CABLES1: variants seen among roughly 807,000 people sequenced by gnomAD.
The protein encoded by CABLES1 is Cdk5 and Abl enzyme substrate 1.
In CABLES1, 36 loss-of-function variants were observed where a neutral mutation model predicts 57.8. The observed-to-expected ratio is 0.62, with a 90% CI of 0.48 to 0.82. CABLES1 has a LOEUF of 0.82. Among genes scored for constraint, CABLES1 ranks in the 40% least tolerant of loss-of-function variants. The pLI is 0.00. For synonymous variants in CABLES1, 374 were observed against 363.0 expected (o/e 1.03, Z -0.35); for missense variants, 767 against 836.6 (o/e 0.92, Z 1.03).
At chr18:23,198,416 G>C (rs937877747) in intron 3 of CABLES1, among the ~76,000 whole-genome samples, 1 of 152,198 alleles carries the variant, frequency 6.6e-6, no homozygotes, top group Non-Finnish European at 1.5e-5. Flanking sequence ...AATAATCCTT[G>C]AAACAGCCTG....
intron 4 of CABLES1, among the ~76,000 whole-genome samples, chr18:23,230,129 T>C (rs2047556536): frequency 6.6e-6 from 1 of 152,198 alleles, no homozygotes; most frequent in Non-Finnish European, 1.5e-5. Context: ...ATCCCAGCAC[T>C]TTGGGAGGCC....
chr18:23,148,972 C>T (rs2046910527), intron 1 of CABLES1, among the ~76,000 whole-genome samples: 1 of 152,094 alleles, frequency 6.6e-6, no homozygotes, highest in Admixed American at 6.6e-5. Context: ...TTACTGCAAC[C>T]TCTGCCTCCC....
intron 7 of CABLES1, among the ~76,000 whole-genome samples, chr18:23,242,563 G>T (rs2047763149): frequency 6.6e-6 from 1 of 152,124 alleles, no homozygotes; most frequent in East Asian, 1.9e-4. Flanking sequence ...CCTCTTTATG[G>T]GTGTGGAAGG....
chr18:23,167,757 G>T (rs2144985246), intron 1 of CABLES1, among the ~76,000 whole-genome samples: 1 of 150,982 alleles, frequency 6.6e-6, no homozygotes, highest in African/African-American at 2.4e-5. Flanking sequence ...GGAGGGGTGG[G>T]TGGGAAGCGG....
chr18:23,238,829 G>A (rs983340402), intron 7 of CABLES1, among the ~76,000 whole-genome samples: 5 of 152,192 alleles, frequency 3.3e-5, no homozygotes, highest in African/African-American at 7.2e-5. Context: ...CTGTTTTCAC[G>A]TTGCCCAGCT....
chr18:23,204,878 T>G (rs2047351487), intron 3 of CABLES1, among the ~76,000 whole-genome samples: 1 of 152,248 alleles, frequency 6.6e-6, no homozygotes, highest in Non-Finnish European at 1.5e-5. Flanking sequence ...CATGATTCAG[T>G]TATCTCCCAT....
chr18:23,217,156 G>A (rs567921179), intron 4 of CABLES1, among the ~76,000 whole-genome samples: 9 of 152,088 alleles, frequency 5.9e-5, no homozygotes, highest in African/African-American at 2.2e-4. Context: ...AACATGGCTC[G>A]CTGCAGTCTC....
At position 23,155,672 on chromosome 18, in the gene CABLES1, TTCTG is replaced by T. The variant is rs1197204502; in HGVS notation, c.845+19070_845+19073del. Among the ~76,000 whole-genome samples the T allele has an allele frequency of 2.6e-5, 4 of 152,290 alleles. No individual in the cohort carries two copies. The East Asian group carries it at 7.7e-4, about 29-fold the overall frequency. The stretch of plus-strand genomic sequence containing the variant: ...ACCTCAGGGAGAAACACAAGGGTAT[TTCTG>T]TCTGGGGCGGCAGGACCTCATGTGG... On this transcript the variant is annotated intron_variant, in intron 1 of 9. Coordinates refer to ENST00000256925, the MANE Select transcript of CABLES1 (RefSeq NM_001100619.3).
chr18:23,174,821 C>A (rs867935110), intron 1 of CABLES1, among the ~76,000 whole-genome samples: 1 of 94,566 alleles, frequency 1.1e-5, no homozygotes, highest in Non-Finnish European at 2.0e-5. Context: ...CATGTTACAC[C>A]ATATATATAT....
Position 23,135,687 on chromosome 18 carries a change from C to T in CABLES1, c.-76C>T. 1.0e-6 allele frequency: 1 copy of T among 982,292 alleles called. No homozygotes were observed. The highest frequency in any genetic ancestry group is 1.2e-6 in the Non-Finnish European group (1 of 828,906). 60.8% of individuals were successfully genotyped at this position (982,292 alleles called of 1,614,324 possible). A position where few individuals can be genotyped will look rare whatever the true frequency, so the allele number is the denominator to read the frequency against. On this transcript the variant is annotated 5_prime_UTR_variant, in exon 1 of 10. Transcript: ENST00000256925. ...CCCTACCCAGCCCGGGTCGCCGCCG[C>T]TCGCGCCCGCCGCTTAGCGCTCGGG...
chr18:23,140,138 T>C (rs1364341465), intron 1 of CABLES1, among the ~76,000 whole-genome samples: 1 of 152,206 alleles, frequency 6.6e-6, no homozygotes, highest in Non-Finnish European at 1.5e-5. Flanking sequence ...ACCAAGAAGA[T>C]GCCTCTTAGC....
At chr18:23,205,351 G>A (rs535193606) in intron 3 of CABLES1, among the ~76,000 whole-genome samples, 3 of 151,970 alleles carry the variant, frequency 2.0e-5, no homozygotes, top group South Asian at 4.2e-4. Flanking sequence ...CTGCCACCAC[G>A]CCCAGCTAAT....
At chr18:23,234,089 G>A (rs1438454718) in intron 4 of CABLES1, among the ~76,000 whole-genome samples, 5 of 152,052 alleles carry the variant, frequency 3.3e-5, no homozygotes, top group East Asian at 3.9e-4. Flanking sequence ...GTGGTGGTGC[G>A]CGCCTGTAAT....
chr18:23,218,011 A>T (rs895308478), intron 4 of CABLES1, among the ~76,000 whole-genome samples: 1 of 152,220 alleles, frequency 6.6e-6, no homozygotes. Context: ...ACTCATGCAC[A>T]TGGACCCAGC....
intron 4 of CABLES1, chr18:23,214,368 TG>T (rs1291061473): frequency 9.1e-6 from 2 of 220,484 alleles, no homozygotes; most frequent in African/African-American, 4.6e-5. Flanking sequence ...TGCCAACCTT[TG>T]GAAAAAAGGT....
chr18:23,161,404 A>G (rs764057813), intron 1 of CABLES1, among the ~76,000 whole-genome samples: 9 of 151,438 alleles, frequency 5.9e-5, no homozygotes, highest in Non-Finnish European at 8.8e-5. Context: ...GTAGTGAATC[A>G]AGTCATCTGT....
At chr18:23,149,762 G>T (rs1036423414) in intron 1 of CABLES1, 1 of 152,224 alleles carries the variant, frequency 6.6e-6, no homozygotes, top group African/African-American at 2.4e-5. Flanking sequence ...AAGCTCTGGG[G>T]CGGGGCCCAG....
intron 2 of CABLES1, among the ~76,000 whole-genome samples, chr18:23,193,586 G>A (rs887363213): frequency 3.3e-5 from 5 of 152,132 alleles, no homozygotes; most frequent in African/African-American, 7.2e-5. Flanking sequence ...AAGGTTTTTC[G>A]GTAGCAAAAC....
chr18:23,237,574 C>T (rs912052246), intron 7 of CABLES1, among the ~76,000 whole-genome samples: 1 of 152,202 alleles, frequency 6.6e-6, no homozygotes, highest in African/African-American at 2.4e-5. Context: ...TCCCTGGTAG[C>T]GCTGAGTTCA....
Sources: allele counts gnomAD v4.1 joint callset (sites outside exome capture counted in the v4.1 genomes callset), GRCh38; gene constraint gnomAD v4.1.1; transcripts MANE v1.5; gene names NCBI Gene and HGNC (gene_info 2026-07-23, HGNC 2026-07-21).